Variants in CSNK2A1 observed in about 807,000 individuals in gnomAD.
CSNK2A1 encodes the protein casein kinase II subunit alpha.
A neutral mutation model predicts 62.9 loss-of-function variants in CSNK2A1; 10 were observed. The ratio of observed to expected loss-of-function variants is 0.16; its 90% CI spans 0.10 to 0.27. CSNK2A1 has a LOEUF of 0.27. CSNK2A1 is among the 10% of genes least tolerant of loss of function. CSNK2A1 has a pLI of 1.00. For missense variants in CSNK2A1, 160 were observed against 492.0 expected (o/e 0.33, Z 6.38); for synonymous variants, 124 against 167.8 (o/e 0.74, Z 2.02).
At chr20:489,936 C>T in intron 9 of CSNK2A1, 55 bp from the exon 10 acceptor site, 1 of 1,332,584 alleles carries the variant, frequency 7.5e-7, no homozygotes, top group Admixed American at 2.5e-5. Flanking sequence ...CTTGTCACTT[C>T]AAAATAAAAA....
Position 489,829 on chromosome 20 carries a change from A to C in CSNK2A1, c.674T>G (p.Met225Arg), listed in dbSNP as rs1413668405. ...GAAAAATGGCTCCTTCCGAAAGATC[A>C]TACTTGCCAGCATACAACCCAAACT... Reference protein sequence around the residue: ...MWSLGCMLASMIFRKEPFFHG... With the variant: ...MWSLGCMLASRIFRKEPFFHG... The change falls in exon 10 of 14, where the codon ATG (methionine) becomes AGG (arginine). Residue 225 changes from methionine to arginine, a missense_variant. Around this residue, in one of 3 missense-constraint regions of CSNK2A1, gnomAD observed 94 missense variants for 357.6 expected, o/e 0.26. Transcript: ENST00000217244. The C allele has an allele frequency of 6.2e-7, 1 of 1,613,588 alleles. No individual in the cohort carries two copies.
At chr20:513,823 C>A (rs2018773132) in intron 2 of CSNK2A1, among the ~76,000 whole-genome samples, 1 of 152,164 alleles carries the variant, frequency 6.6e-6, no homozygotes, top group South Asian at 2.1e-4. Flanking sequence ...AGATCTGATT[C>A]TCCACTGGGA....
chr20:499,737 T>G lies in CSNK2A1; in HGVS notation c.315+96A>C. 8.9e-7 allele frequency: 1 copy of G among 1,117,620 alleles called. No individual in the cohort carries two copies. The highest frequency in any genetic ancestry group is 1.3e-6 in the Non-Finnish European group (1 of 744,992). 69.2% of individuals were successfully genotyped at this position (1,117,620 alleles called of 1,614,324 possible). On this transcript the variant is annotated intron_variant, in intron 5 of 13. Coordinates refer to ENST00000217244, the MANE Select transcript of CSNK2A1 (RefSeq NM_177559.3). The surrounding 1 kb of genome is among the most constrained non-coding windows in gnomAD (Gnocchi z 4.2). ...GCACTTTCAAAGCAGGACTTAATGA[T>G]GAGGGTTGGGGGAGGGAACAAAAAG... is the stretch of plus-strand genomic sequence containing the variant.
At chr20:488,880 C>T (rs2018156762) in intron 10 of CSNK2A1, 102 bp from the exon 11 acceptor site, 1 of 1,097,196 alleles carries the variant, frequency 9.1e-7, no homozygotes, top group South Asian at 1.5e-5. Context: ...ATCATGTCTA[C>T]AGGTATGAAT....
At chr20:526,572 C>G (rs1040674739) in intron 2 of CSNK2A1, 1 of 151,904 alleles carries the variant, frequency 6.6e-6, no homozygotes, top group African/African-American at 2.4e-5. Context: ...GATCATGTCA[C>G]TGCACTCTAG....
At chr20:486,555 A>G (rs571106507) in intron 12 of CSNK2A1, 93 bp from the exon 13 acceptor site, 48 of 1,340,392 alleles carry the variant, frequency 3.6e-5, no homozygotes, top group Non-Finnish European at 4.9e-5. Context: ...CATTCTTTGC[A>G]ATTTATATAT....
At chr20:542,759 A>C (rs1394705495) in intron 1 of CSNK2A1, among the ~76,000 whole-genome samples, 1 of 152,086 alleles carries the variant, frequency 6.6e-6, no homozygotes, top group African/African-American at 2.4e-5. Flanking sequence ...TCCTCTCCCC[A>C]TGTCCCATTC....
chr20:507,334 T>C (rs2018624580), intron 3 of CSNK2A1: 1 of 152,184 alleles, frequency 6.6e-6, no homozygotes, highest in South Asian at 2.1e-4. Flanking sequence ...AGGGAAGCCA[T>C]CCACTAACCA....
Position 499,898 on chromosome 20 carries a change from T to C in CSNK2A1, c.250A>G (p.Ile84Val). ...GGACCTCCTCTCAAATTCTCCAAAA[T>C]CTTTATTTCACGCTTAATTTTCTTC... ...KKKKIKREIK[I>V]LENLRGGPNI... The change falls in exon 5 of 14, where the codon ATT becomes GTT. Residue 84 changes from isoleucine (I) to valine (V), a missense_variant. Physicochemically the swap from Ile to Val is conservative, Grantham distance 29. Coordinates refer to ENST00000217244, the MANE Select transcript of CSNK2A1 (RefSeq NM_177559.3). The surrounding 1 kb of genome is among the most constrained non-coding windows in gnomAD (Gnocchi z 4.2). 6.2e-7 allele frequency: 1 copy of C among 1,612,558 alleles called. No homozygotes were observed. Among genetic ancestry groups the C allele is most frequent in the Admixed American group, 1.7e-5 (1 of 59,860 alleles).
intron 1 of CSNK2A1, among the ~76,000 whole-genome samples, chr20:533,547 G>A (rs892835301): frequency 1.3e-5 from 2 of 152,198 alleles, no homozygotes; most frequent in African/African-American, 4.8e-5. Flanking sequence ...AGGTTGCAAT[G>A]AGCCGAGATC....
At chr20:538,600 A>G (rs1216174248) in intron 1 of CSNK2A1, among the ~76,000 whole-genome samples, 1 of 152,224 alleles carries the variant, frequency 6.6e-6, no homozygotes, top group Non-Finnish European at 1.5e-5. Flanking sequence ...TAGAAACTCC[A>G]TTCTGTAGTG....
At chr20:486,699 T>C (rs1205963492) in intron 12 of CSNK2A1, 2 of 489,096 alleles carry the variant, frequency 4.1e-6, no homozygotes, top group South Asian at 2.6e-5. Context: ...GGTAGAAAGA[T>C]GAGGTAATTA....
In CSNK2A1 at chr20:472,858, T is replaced by A. The variant is rs2017779575; in HGVS notation, c.*11103A>T. The A allele has an allele frequency of 6.6e-6, 1 of 152,188 alleles. No individual in the cohort carries two copies. Among genetic ancestry groups the A allele is most frequent in the African/African-American group, 2.4e-5 (1 of 41,438 alleles). The allele number at this position is 152,188 out of a possible 1,614,324, so 9.4% of individuals were successfully genotyped here. On this transcript the variant is annotated 3_prime_UTR_variant, in exon 14 of 14. Coordinates refer to ENST00000217244, the MANE Select transcript of CSNK2A1 (RefSeq NM_177559.3). ...CCTCTCGGCCTTCCAAGAAGGTTTGTGTCTTTCCTATAATTTCTCCCACCA... is the reference window on the plus strand; with the variant it reads ...CCTCTCGGCCTTCCAAGAAGGTTTGAGTCTTTCCTATAATTTCTCCCACCA...
chr20:537,877 G>A (rs1042429247), intron 1 of CSNK2A1, among the ~76,000 whole-genome samples: 1 of 151,694 alleles, frequency 6.6e-6, no homozygotes, highest in African/African-American at 2.4e-5. Flanking sequence ...AATCATATTG[G>A]TTTTCAGTTT....
Position 533,625 on chromosome 20 carries a change from C to CA in CSNK2A1, c.-226-5577dup, listed in dbSNP as rs144635525. On this transcript the variant is annotated intron_variant, in intron 1 of 13. Coordinates refer to ENST00000217244, the MANE Select transcript of CSNK2A1 (RefSeq NM_177559.3). ...CTCAAAATAAATACATACATACATA[C>CA]AAAAAAATTAAACCAATACACGGAA... 4.2e-3 allele frequency among the ~76,000 whole-genome samples: 637 copies of CA among 152,214 alleles called. 2 individuals are homozygous for CA. Among genetic ancestry groups the CA allele is most frequent in the Middle Eastern group, 6.8e-3 (2 of 294 alleles).
intron 2 of CSNK2A1, among the ~76,000 whole-genome samples, chr20:525,506 C>CTG (rs2019062501): frequency 6.6e-6 from 1 of 151,712 alleles, no homozygotes; most frequent in Admixed American, 6.6e-5. Flanking sequence ...CAAAAATTAG[C>CTG]TGGGCATGGT....
chr20:518,535 A>T (rs1438565838), intron 2 of CSNK2A1, among the ~76,000 whole-genome samples: 1 of 151,820 alleles, frequency 6.6e-6, no homozygotes, highest in African/African-American at 2.4e-5. Context: ...ACAAATATCT[A>T]TTTTTATTTT....
chr20:523,005 G>A (rs558632647), intron 2 of CSNK2A1, among the ~76,000 whole-genome samples: 3 of 152,258 alleles, frequency 2.0e-5, no homozygotes, highest in Admixed American at 2.0e-4. Flanking sequence ...GACATATCAC[G>A]GTTATGGCAA....
At chr20:495,172 G>A (rs916332242) in intron 8 of CSNK2A1, 13 of 153,064 alleles carry the variant, frequency 8.5e-5, no homozygotes, top group African/African-American at 3.1e-4. Flanking sequence ...CCTCCCCAGA[G>A]ACCACAACAG....
Sources: gnomAD v4.1 joint callset for allele counts (sites outside exome capture counted in the v4.1 genomes callset) on GRCh38, gnomAD v4.1.1 for gene constraint, gnomAD v4.1.1 regional missense constraint, Gnocchi (gnomAD v3.1) non-coding constraint, MANE v1.5 for transcripts, NCBI Gene and HGNC (gene_info 2026-07-23, HGNC 2026-07-21) for gene names.